Variants in NKD1 observed in about 807,000 individuals in gnomAD.
NKD1 encodes protein naked cuticle homolog 1.
A neutral mutation model predicts 56.0 loss-of-function variants in NKD1; 21 were observed. That is an observed-to-expected ratio of 0.38 (90% CI 0.27 to 0.54). The LOEUF is 0.54. NKD1 is among the 20% of genes least tolerant of loss of function. The probability of loss-of-function intolerance (pLI) is 0.82; values close to 1 mark genes in which losing one functional copy is unlikely to be tolerated. For synonymous variants in NKD1, 263 were observed against 265.7 expected (o/e 0.99, Z 0.10); for missense variants, 578 against 642.7 (o/e 0.90, Z 1.09).
intron 3 of NKD1, among the ~76,000 whole-genome samples, chr16:50,583,376 C>A (rs1486434854): frequency 2.0e-5 from 3 of 152,128 alleles, no homozygotes; most frequent in African/African-American, 7.2e-5. Flanking sequence ...CCCAGTTCTC[C>A]CAATGTCCCA....
At chr16:50,592,034 G>T (rs1425194250) in intron 3 of NKD1, among the ~76,000 whole-genome samples, 2 of 152,224 alleles carry the variant, frequency 1.3e-5, no homozygotes, top group African/African-American at 2.4e-5. Flanking sequence ...GAAGCCCATT[G>T]CACCTGCCCC....
chr16:50,575,267 G>T (rs1223706076), intron 3 of NKD1: 39 of 985,276 alleles, frequency 4.0e-5, no homozygotes, highest in Non-Finnish European at 4.7e-5. Flanking sequence ...GGTAACGTTG[G>T]CACTAAAAGA....
chr16:50,570,408 A>C (rs1255853552), intron 3 of NKD1, among the ~76,000 whole-genome samples: 1 of 152,168 alleles, frequency 6.6e-6, no homozygotes, highest in Middle Eastern at 3.2e-3. Flanking sequence ...TGATATTAAA[A>C]TGTTATGGTC....
At chr16:50,609,707 C>T (rs1206773776) in intron 4 of NKD1, among the ~76,000 whole-genome samples, 3 of 152,184 alleles carry the variant, frequency 2.0e-5, no homozygotes, top group African/African-American at 7.2e-5. Flanking sequence ...ATGAACACTG[C>T]ACTCAGAGAA....
At chr16:50,572,910 G>A (rs568539853) in intron 3 of NKD1, 94 of 980,574 alleles carry the variant, frequency 9.6e-5, no homozygotes, top group Non-Finnish European at 1.0e-4. Flanking sequence ...GACCTGCCCC[G>A]TGCAGAAGAG....
intron 4 of NKD1, chr16:50,613,613 G>C (rs1156800887): frequency 1.3e-5 from 2 of 152,196 alleles, no homozygotes; most frequent in African/African-American, 2.4e-5. Flanking sequence ...TCTCAAGTCT[G>C]CTCCTCATAA....
intron 2 of NKD1, 84 bp from the exon 3 acceptor site, chr16:50,549,338 C>G: frequency 6.5e-7 from 1 of 1,532,970 alleles, no homozygotes; most frequent in Non-Finnish European, 8.8e-7. Context: ...CTTCGCCTCC[C>G]ACCGCGCCTC....
rs139780803 is a variant in NKD1 at position 50,645,151 on chromosome 16, A to G, written c.*11370A>G. 1.3e-5 allele frequency: 2 copies of G among 152,358 alleles called. No homozygotes were observed. Among genetic ancestry groups the G allele is most frequent in the East Asian group, 3.9e-4 (2 of 5,186 alleles). The allele number at this position is 152,358 out of a possible 1,614,324, so 9.4% of individuals were successfully genotyped here. ...GTACTATGTGTCAGGAACCATGCTC[A>G]GCACTCGATAAAACAGACATCATCT... On this transcript the variant is annotated 3_prime_UTR_variant, in exon 10 of 10. Transcript: ENST00000268459.
At chr16:50,606,393 G>A (rs960443470) in intron 3 of NKD1, 22 of 237,300 alleles carry the variant, frequency 9.3e-5, no homozygotes, top group African/African-American at 4.4e-4. Flanking sequence ...AGTACAGTGC[G>A]TCCATGAACC....
At chr16:50,612,492 G>A (rs993205197) in intron 4 of NKD1, among the ~76,000 whole-genome samples, 2 of 152,226 alleles carry the variant, frequency 1.3e-5, no homozygotes, top group African/African-American at 4.8e-5. Flanking sequence ...GGCAGGCCCA[G>A]CAGTCACGAC....
intron 3 of NKD1, among the ~76,000 whole-genome samples, chr16:50,553,302 A>G (rs932798473): frequency 1.3e-5 from 2 of 152,238 alleles, no homozygotes; most frequent in Non-Finnish European, 2.9e-5. Flanking sequence ...GTACAACCAG[A>G]TTTAAAATAA....
rs1449825111 is a variant in NKD1, at chr16:50,640,871, CTTTGTT to C, written c.*7099_*7104del. On this transcript the variant is annotated 3_prime_UTR_variant, in exon 10 of 10. Coordinates refer to ENST00000268459, the MANE Select transcript of NKD1 (RefSeq NM_033119.5). ...AAAAAAAACAACCTCATTATGTTGT[CTTTGTT>C]TTTGTTTTGTTTTCTTTCCTTGGAA... 1 of 151,836 alleles carries C rather than the reference CTTTGTT, an allele frequency of 6.6e-6. No individual in the cohort carries two copies. The highest frequency in any genetic ancestry group is 1.5e-5 in the Non-Finnish European group (1 of 67,954). The allele number at this position is 151,836 out of a possible 1,614,324, so 9.4% of individuals were successfully genotyped here.
At chr16:50,561,018 A>G (rs927914360) in intron 3 of NKD1, among the ~76,000 whole-genome samples, 1 of 152,138 alleles carries the variant, frequency 6.6e-6, no homozygotes, top group African/African-American at 2.4e-5. Flanking sequence ...ACCTAGGGCA[A>G]CTTTCCTGAC....
Position 50,633,333 on chromosome 16 carries a change from A to G in NKD1, c.965A>G (p.Asp322Gly). ...GACCCGGCCTCCTTCCACTTCCTTG[A>G]CACCCCAATCGCCAAGGTCTCAGAG... ...GVDPASFHFL[D>G]TPIAKVSELQ... is the part of the protein sequence containing the mutation. The change falls in exon 10 of 10, where the codon GAC becomes GGC. Residue 322 changes from aspartate to glycine, a missense_variant. By Grantham distance (94) the Asp-to-Gly change is moderately conservative (BLOSUM62 -1). Coordinates refer to ENST00000268459, the MANE Select transcript of NKD1 (RefSeq NM_033119.5). This position sits in a 1 kb window ranked among gnomAD's most constrained non-coding sequence, Gnocchi z 4.9. 6.2e-7 allele frequency: 1 copy of G among 1,614,076 alleles called. No individual in the cohort carries two copies. Among genetic ancestry groups the G allele is most frequent in the Non-Finnish European group, 8.5e-7 (1 of 1,179,990 alleles).
In NKD1 at chr16:50,632,128, G is replaced by A. The variant is rs533226229; in HGVS notation, c.696-153G>A. Among the ~76,000 whole-genome samples, 23 of 152,326 alleles carry A rather than the reference G, an allele frequency of 1.5e-4. No homozygotes were observed. Among genetic ancestry groups the A allele is most frequent in the Non-Finnish European group, 2.2e-4 (15 of 68,028 alleles). On this transcript the variant is annotated intron_variant, in intron 8 of 9. Coordinates refer to ENST00000268459, the MANE Select transcript of NKD1 (RefSeq NM_033119.5). The surrounding 1 kb of genome is among the most constrained non-coding windows in gnomAD (Gnocchi z 4.1). ...AAGGAGGGAAATGGAGGCACAGTTC[G>A]TATAGAGGACTGTTCCTCCCCACCC...
At chr16:50,609,827 G>A (rs1015615724) in intron 4 of NKD1, among the ~76,000 whole-genome samples, 1 of 152,220 alleles carries the variant, frequency 6.6e-6, no homozygotes, top group Non-Finnish European at 1.5e-5. Flanking sequence ...TCAAGGGGGA[G>A]GAGTCCCATG....
intron 4 of NKD1, among the ~76,000 whole-genome samples, chr16:50,621,024 T>A (rs1167915429): frequency 1.3e-5 from 2 of 152,222 alleles, no homozygotes; most frequent in African/African-American, 4.8e-5. Flanking sequence ...TGTACATATG[T>A]CTGCATGTGC....
At chr16:50,609,470 G>A (rs944807669) in intron 4 of NKD1, among the ~76,000 whole-genome samples, 2 of 152,226 alleles carry the variant, frequency 1.3e-5, no homozygotes, top group Admixed American at 1.3e-4. Context: ...TGGAGAGCTG[G>A]GGGGCCATGG....
intron 3 of NKD1, chr16:50,558,124 C>G (rs1311295620): frequency 6.6e-6 from 1 of 152,216 alleles, no homozygotes; most frequent in Non-Finnish European, 1.5e-5. Context: ...ATCCAGCTGT[C>G]TGAATTTTTA....
Sources: gnomAD v4.1 joint callset for allele counts (sites outside exome capture counted in the v4.1 genomes callset) on GRCh38, gnomAD v4.1.1 for gene constraint, Gnocchi (gnomAD v3.1) non-coding constraint, MANE v1.5 for transcripts, NCBI Gene and HGNC (gene_info 2026-07-23, HGNC 2026-07-21) for gene names.